MICU1: variants seen among roughly 807,000 people sequenced by gnomAD.
MICU1 encodes the protein mitochondrial calcium uptake 1, also known as calcium uptake protein 1, mitochondrial.
MICU1 carries 45 observed loss-of-function variants against 56.8 expected under a neutral mutation model. The observed-to-expected ratio is 0.79, with a 90% CI of 0.62 to 1.02. The LOEUF is 1.02. Among genes scored for constraint, MICU1 ranks in the 50% least tolerant of loss-of-function variants. MICU1 has a pLI of 0.00. For missense variants in MICU1, 504 were observed against 587.1 expected (o/e 0.86, Z 1.46); for synonymous variants, 186 against 195.1 (o/e 0.95, Z 0.39).
intron 1 of MICU1, among the ~76,000 whole-genome samples, chr10:72,610,765 G>A (rs1253224399): frequency 6.6e-6 from 1 of 152,188 alleles, no homozygotes; most frequent in African/African-American, 2.4e-5. Context: ...AAGAGCTTAT[G>A]GATGTAGCTT....
intron 8 of MICU1, among the ~76,000 whole-genome samples, chr10:72,430,260 T>C (rs922476557): frequency 2.0e-5 from 3 of 152,210 alleles, no homozygotes; most frequent in Non-Finnish European, 4.4e-5. Context: ...AAAAATGGTA[T>C]TGGACATCTA....
At chr10:72,610,452 C>T (rs897539725) in intron 1 of MICU1, among the ~76,000 whole-genome samples, 1 of 151,962 alleles carries the variant, frequency 6.6e-6, no homozygotes, top group African/African-American at 2.4e-5. Context: ...ACTAAAAAGA[C>T]TGTTTGCAAA....
At chr10:72,576,356 T>C (rs973890722) in intron 1 of MICU1, among the ~76,000 whole-genome samples, 27 of 149,160 alleles carry the variant, frequency 1.8e-4, no homozygotes, top group African/African-American at 6.2e-4. Flanking sequence ...TGAAAAAAAT[T>C]AAAAGTGCTA....
intron 6 of MICU1, among the ~76,000 whole-genome samples, chr10:72,485,106 CA>C (rs1486750449): frequency 6.6e-6 from 1 of 151,332 alleles, no homozygotes; most frequent in Non-Finnish European, 1.5e-5. Flanking sequence ...ATTCAGCCAA[CA>C]AGAAGAAAAA....
At chr10:72,553,797 A>T (rs1265090975) in intron 3 of MICU1, among the ~76,000 whole-genome samples, 2 of 152,184 alleles carry the variant, frequency 1.3e-5, no homozygotes, top group Non-Finnish European at 2.9e-5. Context: ...ATACTCCCAC[A>T]TTGGTAGAAT....
At chr10:72,521,190 GA>G (rs1224683484) in intron 5 of MICU1, among the ~76,000 whole-genome samples, 1 of 151,882 alleles carries the variant, frequency 6.6e-6, no homozygotes, top group African/African-American at 2.4e-5. Flanking sequence ...ATTTGTATAA[GA>G]AAAAAATGTA....
chr10:72,432,948 CCTTT>C (rs1326767686), intron 8 of MICU1, among the ~76,000 whole-genome samples: 13 of 152,154 alleles, frequency 8.5e-5, no homozygotes, highest in African/African-American at 1.7e-4. Context: ...TCTTCTTCTT[CCTTT>C]ATGTTTTTTT....
At chr10:72,439,950 T>A (rs1474417029) in intron 8 of MICU1, among the ~76,000 whole-genome samples, 1 of 152,146 alleles carries the variant, frequency 6.6e-6, no homozygotes, top group African/African-American at 2.4e-5. Flanking sequence ...GAAGAATCAA[T>A]ATCCTGAAAG....
Position 72,562,998 on chromosome 10 carries a change from T to C in MICU1, c.227A>G (p.Asn76Ser), listed in dbSNP as rs757115744. The C allele has an allele frequency of 1.9e-6, 3 of 1,609,754 alleles. No individual in the cohort carries two copies. The highest frequency in any genetic ancestry group is 3.4e-5 in the Admixed American group (2 of 59,394). Residue 76 changes from asparagine to serine, a missense_variant, in exon 3 of 12, where the codon AAT becomes AGT. Physicochemically the swap from Asn to Ser is conservative, Grantham distance 46. Coordinates refer to ENST00000361114, the MANE Select transcript of MICU1 (RefSeq NM_001195518.2). ...LKSDIGDKGK[N>S]KDEGDVCNHE... ...GTTACAAACATCCCCTTCATCTTTA[T>C]TCTTCCCTTTATCACCGATGTCACT...
chr10:72,583,246 G>A (rs1375808443), intron 1 of MICU1, among the ~76,000 whole-genome samples: 4 of 151,350 alleles, frequency 2.6e-5, no homozygotes, highest in African/African-American at 4.9e-5. Context: ...GTAGGAAAGC[G>A]CTAACTATTC....
chr10:72,579,013 C>T (rs1017259100), intron 1 of MICU1, among the ~76,000 whole-genome samples: 4 of 152,094 alleles, frequency 2.6e-5, no homozygotes, highest in Non-Finnish European at 5.9e-5. Context: ...TGCTATTTTG[C>T]GACATTAGCT....
At chr10:72,412,528 C>T (rs7075632) in intron 9 of MICU1, among the ~76,000 whole-genome samples, 79,251 of 152,064 alleles carry the variant, frequency 0.52, 22,179 homozygotes, top group Non-Finnish European at 0.65. Context: ...TAGGAAGTTG[C>T]TAAGCAAGTA....
chr10:72,427,846 C>G (rs1018892255), intron 8 of MICU1, among the ~76,000 whole-genome samples: 2 of 151,540 alleles, frequency 1.3e-5, no homozygotes, highest in Admixed American at 1.3e-4. Context: ...CTGAGCTGAA[C>G]ACATCTGTGT....
intron 6 of MICU1, 119 bp from the exon 7 acceptor site, chr10:72,477,375 A>G: frequency 2.6e-6 from 3 of 1,157,624 alleles, no homozygotes; most frequent in Non-Finnish European, 3.7e-6. Flanking sequence ...AAAGTGACTG[A>G]GTCAAAGTCT....
At chr10:72,583,914 C>A (rs888111677) in intron 1 of MICU1, among the ~76,000 whole-genome samples, 1 of 152,192 alleles carries the variant, frequency 6.6e-6, no homozygotes, top group African/African-American at 2.4e-5. Context: ...AAAGCTCACA[C>A]TTCAGCTAAG....
chr10:72,472,905 GC>G (rs1201982787), intron 8 of MICU1: 1 of 152,306 alleles, frequency 6.6e-6, no homozygotes, highest in South Asian at 2.1e-4. Flanking sequence ...TTCGAGACCA[GC>G]CTGGCCAACA....
At chr10:72,477,534 G>A (rs1430481307) in intron 6 of MICU1, 1 of 1,535,426 alleles carries the variant, frequency 6.5e-7, no homozygotes, top group South Asian at 1.2e-5. Context: ...ATTTAGCTTT[G>A]CTTTCAGAGA....
rs569428285 is a variant in MICU1 at position 72,455,092 on chromosome 10, T to C, written c.933+20008A>G. ...TCGGCCAGGCGCAGTGGCTCATGCC[T>C]GTAATCCAGCAGTTTGGGAGGCCGA... On this transcript the variant is annotated intron_variant, in intron 8 of 11. Transcript: ENST00000361114. Among the ~76,000 whole-genome samples, 11 of 152,142 alleles carry C rather than the reference T, an allele frequency of 7.2e-5. No individual in the cohort carries two copies. The East Asian group carries it at 2.1e-3, about 29-fold the overall frequency.
chr10:72,551,168 T>C lies in MICU1; in HGVS notation c.493+11A>G, dbSNP rs372489742. On this transcript the variant is annotated intron_variant, in intron 4 of 11. Transcript: ENST00000361114. ...AATATCACAGTCTTATATTTCACTT[T>C]AGCAACTTACGTTCTGGTTGTTTTT... 768 of 1,591,738 alleles carry C rather than the reference T, an allele frequency of 4.8e-4. 1 individual carries two copies. The highest frequency in any genetic ancestry group is 5.5e-4 in the Non-Finnish European group (641 of 1,169,560).
Sources: gnomAD v4.1 joint callset for allele counts (sites outside exome capture counted in the v4.1 genomes callset) on GRCh38, gnomAD v4.1.1 for gene constraint, MANE v1.5 for transcripts, NCBI Gene and HGNC (gene_info 2026-07-23, HGNC 2026-07-21) for gene names.